The following TGDS variants were observed in gnomAD, a reference collection of about 807,000 sequenced individuals.
The protein encoded by TGDS is TDP-glucose 4,6-dehydratase, also known as UDP-D-glucose 4,6-dehydratase.
Under a neutral mutation model 52.3 loss-of-function variants are expected in TGDS, and 47 were observed. The observed-to-expected ratio is 0.90, with a 90% CI of 0.71 to 1.15. TGDS has a LOEUF of 1.15. Among genes scored for constraint, TGDS ranks in the 50% most tolerant of loss-of-function variants. The probability of loss-of-function intolerance (pLI) is 0.00; values close to 1 mark genes in which losing one functional copy is unlikely to be tolerated. For synonymous variants in TGDS, 115 were observed against 136.9 expected, an observed-to-expected ratio of 0.84 and a Z score of 1.12; for missense variants, 375 against 418.4, an observed-to-expected ratio of 0.90 and a Z score of 0.90.
intron 2 of TGDS, 81 bp downstream of exon 2, chr13:94,593,760 C>T (rs1889282915): frequency 9.8e-7 from 1 of 1,023,514 alleles, no homozygotes; most frequent in Non-Finnish European, 1.5e-6. Context: ...TAAATATCAG[C>T]ATGACAAGAT....
In TGDS at chr13:94,577,039, T is replaced by C. The variant is rs547726511; in HGVS notation, c.884+332A>G. On this transcript the variant is annotated intron_variant, in intron 10 of 11. Coordinates refer to ENST00000261296, the MANE Select transcript of TGDS (RefSeq NM_014305.4). ...CTGCTTGAACCTGGGAAGGCAGAGA[T>C]TGCAGTGAGCCGAGATTGCGCCACT... is the stretch of plus-strand genomic sequence containing the variant. 1.4e-3 allele frequency among the ~76,000 whole-genome samples: 208 copies of C among 151,832 alleles called. 1 individual carries two copies. Among genetic ancestry groups the C allele is most frequent in the Non-Finnish European group, 2.2e-3 (150 of 67,950 alleles).
chr13:94,592,214 G>A (rs369769312), intron 3 of TGDS, 27 bp downstream of exon 3: 32 of 1,537,004 alleles, frequency 2.1e-5, no homozygotes, highest in African/African-American at 8.3e-5. Context: ...AAAGAGGCAC[G>A]GTACAGTTAC....
Position 94,574,520 on chromosome 13 carries a change from C to A in TGDS, c.*262G>T. 2.9e-6 allele frequency: 1 copy of A among 347,914 alleles called. No homozygotes were observed. Among genetic ancestry groups the A allele is most frequent in the Non-Finnish European group, 5.2e-6 (1 of 192,762 alleles). The allele number at this position is 347,914 out of a possible 1,614,324, so 21.6% of individuals were successfully genotyped here. On this transcript the variant is annotated 3_prime_UTR_variant, in exon 12 of 12. Transcript: ENST00000261296. ...AATCAGGAGACTTCTTCCTGGCTAC[C>A]CTTAGGGAGAGTCTTCTACACCTAT... is the stretch of plus-strand genomic sequence containing the variant.
At chr13:94,586,748 A>ATTCTTTTTTTTTTTTTTTTT (rs1566960948) in intron 4 of TGDS, among the ~76,000 whole-genome samples, 2 of 88,444 alleles carry the variant, frequency 2.3e-5, no homozygotes, top group Non-Finnish European at 2.5e-5. Context: ...AAGAAATCAA[A>ATTCTTTTTTTTTTTTTTTTT]TTATTTTTTT....
In TGDS at chr13:94,596,109, A is replaced by C. The variant is rs370526233; in HGVS notation, c.28T>G (p.Trp10Gly). 1.2e-5 allele frequency: 19 copies of C among 1,614,034 alleles called. No individual in the cohort carries two copies. The highest frequency in any genetic ancestry group is 1.0e-4 in the Admixed American group (6 of 60,014). Residue 10 changes from tryptophan (W) to glycine (G), a missense_variant, in exon 1 of 12, where the codon TGG becomes GGG. By Grantham distance (184) the Trp-to-Gly change is radical. Coordinates refer to ENST00000261296, the MANE Select transcript of TGDS (RefSeq NM_014305.4). ...TTCGCAAAGCCGCCGGGAAGACCCC[A>C]CGGTTCCTCCCAACACGCCGCCGAC... MSAACWEEP[W>G]GLPGGFAKRV...
In TGDS at chr13:94,596,144, C is replaced by T; in HGVS notation, c.-8G>A. ...CCAACACGCCGCCGACATCTCCCAG[C>T]TCAGCAGTGCCTAGTACCGTAAAGA... On this transcript the variant is annotated 5_prime_UTR_variant, in exon 1 of 12. Coordinates refer to ENST00000261296, the MANE Select transcript of TGDS (RefSeq NM_014305.4). The T allele has an allele frequency of 1.2e-6, 2 of 1,613,744 alleles. No homozygotes were observed. The highest frequency in any genetic ancestry group is 8.5e-7 in the Non-Finnish European group (1 of 1,179,824).
intron 8 of TGDS, 28 bp from the exon 9 acceptor site, chr13:94,578,198 T>TA: frequency 1.2e-6 from 2 of 1,609,732 alleles, no homozygotes; most frequent in Non-Finnish European, 1.7e-6. Flanking sequence ...AGTGAAATCA[T>TA]AAAGTGTAAA....
At chr13:94,574,875 AAAAAAAAAAAAG>A (rs1366487983) in intron 11 of TGDS, 23 bp from the exon 12 acceptor site, 1 of 577,092 alleles carries the variant, frequency 1.7e-6, no homozygotes, top group African/African-American at 2.7e-5. Flanking sequence ...AACAAAAGAC[AAAAAAAAAAAAG>A]AAAAGAAAGA....
chr13:94,577,526 C>T, intron 9 of TGDS, 97 bp from the exon 10 acceptor site: 1 of 933,748 alleles, frequency 1.1e-6, no homozygotes, highest in Non-Finnish European at 1.5e-6. Flanking sequence ...ACAACTGCCT[C>T]ATAGCAGGGA....
intron 3 of TGDS, among the ~76,000 whole-genome samples, 186 bp downstream of exon 3, chr13:94,592,055 T>C (rs1594457360): frequency 1.3e-5 from 2 of 152,310 alleles, no homozygotes; most frequent in Admixed American, 1.3e-4. Flanking sequence ...TTTTTATGTG[T>C]TGTCAATCAA....
Position 94,583,087 on chromosome 13 carries a change from A to G in TGDS, c.456+7T>C. The G allele has an allele frequency of 1.2e-6, 2 of 1,611,852 alleles. No homozygotes were observed. Among genetic ancestry groups the G allele is most frequent in the South Asian group, 2.2e-5 (2 of 90,452 alleles). On this transcript the variant is annotated splice_region_variant and intron_variant, in intron 5 of 11. Coordinates refer to ENST00000261296, the MANE Select transcript of TGDS (RefSeq NM_014305.4). The stretch of plus-strand genomic sequence containing the variant: ...AAGTAGGTAAAATATACATTTTCTA[A>G]GCTCACCTTATCAAGACTGCCACCA...
chr13:94,576,308 A>C lies in TGDS; in HGVS notation c.982+6T>G, dbSNP rs762548214. 6 of 1,580,314 alleles carry C rather than the reference A, an allele frequency of 3.8e-6. No homozygotes were observed. Among genetic ancestry groups the C allele is most frequent in the Non-Finnish European group, 5.1e-6 (6 of 1,165,572 alleles). On this transcript the variant is annotated splice_donor_region_variant and intron_variant, in intron 11 of 11. Transcript: ENST00000261296. Reference sequence around the variant, plus strand: ...TTGCCCCCAAAATGATTAATTCAAAACATACTTGTTTTCTTTATTCCTTCT... The same window carrying C: ...TTGCCCCCAAAATGATTAATTCAAACCATACTTGTTTTCTTTATTCCTTCT...
chr13:94,574,228 A>G lies in TGDS; in HGVS notation c.*554T>C, dbSNP rs1428543578. The G allele has an allele frequency of 3.9e-5, 6 of 152,180 alleles. No individual in the cohort carries two copies. Among genetic ancestry groups the G allele is most frequent in the African/African-American group, 1.2e-4 (5 of 41,460 alleles). 9.4% of individuals were successfully genotyped at this position (152,180 alleles called of 1,614,324 possible). A position where few individuals can be genotyped will look rare whatever the true frequency, so the allele number is the denominator to read the frequency against. On this transcript the variant is annotated 3_prime_UTR_variant, in exon 12 of 12. Transcript: ENST00000261296. ...TTACATACGTTAATTGTGAAAATAT[A>G]AAAACTTTACACACTTCTCTTAAAA... is the stretch of plus-strand genomic sequence containing the variant.
In TGDS at chr13:94,583,371, CAT is replaced by C. The variant is rs368479853; in HGVS notation, c.314-137_314-136del. On this transcript the variant is annotated intron_variant, in intron 4 of 11. Transcript: ENST00000261296. ...ACAGCTGCAAGAGTTATAATAATAA[CAT>C]ACACAGGCAGTCATATTTATGATTT... The C allele has an allele frequency of 4.9e-4, 393 of 804,562 alleles. No individual in the cohort carries two copies. In the African/African-American group the frequency reaches 6.0e-3, roughly 12 times the overall value. The allele number at this position is 804,562 out of a possible 1,614,324, so 49.8% of individuals were successfully genotyped here.
intron 1 of TGDS, among the ~76,000 whole-genome samples, chr13:94,594,409 A>G (rs1462384642): frequency 6.6e-6 from 1 of 152,212 alleles, no homozygotes; most frequent in Non-Finnish European, 1.5e-5. Flanking sequence ...CAGAATCCTC[A>G]GGAGGCTTCT....
At chr13:94,578,879 G>T in intron 7 of TGDS, 106 bp from the exon 8 acceptor site, 1 of 610,244 alleles carries the variant, frequency 1.6e-6, no homozygotes, top group South Asian at 2.6e-5. Context: ...CATATGGATT[G>T]CTTCTAATTA....
At chr13:94,588,412 ACT>A (rs1228771876) in intron 4 of TGDS, among the ~76,000 whole-genome samples, 5 of 115,984 alleles carry the variant, frequency 4.3e-5, no homozygotes, top group African/African-American at 1.8e-4. Flanking sequence ...AATCAGCGAG[ACT>A]CTGTCTCAAA....
At chr13:94,595,863 T>G in intron 1 of TGDS, 188 bp downstream of exon 1, 1 of 662,850 alleles carries the variant, frequency 1.5e-6, no homozygotes, top group East Asian at 2.7e-5. Context: ...AAGAAGTCAG[T>G]TTCAAAGGAA....
At chr13:94,574,937 G>T in intron 11 of TGDS, 85 bp from the exon 12 acceptor site, 1 of 771,008 alleles carries the variant, frequency 1.3e-6, no homozygotes, top group Non-Finnish European at 2.1e-6. Context: ...CTGAGTTCCT[G>T]CTAGCTAAGT....
Sources: allele counts gnomAD v4.1 joint callset (sites outside exome capture counted in the v4.1 genomes callset), GRCh38; gene constraint gnomAD v4.1.1; transcripts MANE v1.5; gene names NCBI Gene and HGNC (gene_info 2026-07-23, HGNC 2026-07-21).